The following CA10 variants were observed in gnomAD, a reference collection of about 807,000 sequenced individuals.
CA10 encodes carbonic anhydrase 10 (inactive).
A neutral mutation model predicts 44.2 loss-of-function variants in CA10; 14 were observed. The observed-to-expected ratio is 0.32, with a 90% CI of 0.21 to 0.50. The LOEUF (loss-of-function observed/expected upper bound fraction) is 0.50. CA10 is among the 20% of genes least tolerant of loss of function. CA10 has a pLI of 0.99. For missense variants in CA10, 350 were observed against 409.7 expected, an observed-to-expected ratio of 0.85 and a Z score of 1.26; for synonymous variants, 159 against 141.6, an observed-to-expected ratio of 1.12 and a Z score of -0.87.
At chr17:51,719,851 C>T (rs1916295630) in intron 4 of CA10, among the ~76,000 whole-genome samples, 1 of 152,106 alleles carries the variant, frequency 6.6e-6, no homozygotes, top group African/African-American at 2.4e-5. Context: ...AATCCCACAA[C>T]TGCAGCCTGG....
chr17:51,702,414 C>T (rs1043437418), intron 4 of CA10, among the ~76,000 whole-genome samples: 2 of 152,156 alleles, frequency 1.3e-5, no homozygotes, highest in African/African-American at 4.8e-5. Context: ...TGGTGGCACA[C>T]AAGATAGCCA....
chr17:51,737,302 A>G (rs962075322), intron 4 of CA10, among the ~76,000 whole-genome samples: 29 of 152,172 alleles, frequency 1.9e-4, no homozygotes, highest in African/African-American at 6.8e-4. Flanking sequence ...CCCTAAGCAC[A>G]ATGCCTGAGA....
chr17:51,749,808 C>T (rs897693293), intron 3 of CA10, among the ~76,000 whole-genome samples: 6 of 152,200 alleles, frequency 3.9e-5, no homozygotes, highest in Admixed American at 1.3e-4. Flanking sequence ...GAGGAGACCA[C>T]ACACTGGGGA....
chr17:52,066,280 A>G (rs986213717), intron 2 of CA10, among the ~76,000 whole-genome samples: 1 of 152,174 alleles, frequency 6.6e-6, no homozygotes, highest in African/African-American at 2.4e-5. Flanking sequence ...AGATGTGGGA[A>G]CTTCCTAGAG....
chr17:51,921,606 G>A (rs1309828815), intron 3 of CA10, among the ~76,000 whole-genome samples: 4 of 152,096 alleles, frequency 2.6e-5, no homozygotes, highest in African/African-American at 7.2e-5. Flanking sequence ...TCAGCACTAG[G>A]GGAACTGATG....
intron 2 of CA10, among the ~76,000 whole-genome samples, chr17:52,060,042 C>A (rs1987340593): frequency 6.6e-6 from 1 of 152,162 alleles, no homozygotes; most frequent in Non-Finnish European, 1.5e-5. Flanking sequence ...TCCACATTTA[C>A]TGATTGGTGA....
At chr17:51,832,213 T>C (rs1908309129) in intron 3 of CA10, among the ~76,000 whole-genome samples, 1 of 152,214 alleles carries the variant, frequency 6.6e-6, no homozygotes, top group Non-Finnish European at 1.5e-5. Flanking sequence ...TCATGGATTG[T>C]TGTGAAGACT....
intron 3 of CA10, among the ~76,000 whole-genome samples, chr17:51,771,220 T>C (rs1905598737): frequency 6.6e-6 from 1 of 150,764 alleles, no homozygotes. Context: ...TCCACCCCTA[T>C]GATCCAAACA....
chr17:51,841,323 T>G (rs1271342664), intron 3 of CA10, among the ~76,000 whole-genome samples: 1 of 152,186 alleles, frequency 6.6e-6, no homozygotes, highest in South Asian at 2.1e-4. Flanking sequence ...CCTGGTTTCA[T>G]GGCCTCCACA....
intron 4 of CA10, among the ~76,000 whole-genome samples, chr17:51,712,337 C>T (rs1485780133): frequency 6.6e-6 from 1 of 152,164 alleles, no homozygotes; most frequent in Non-Finnish European, 1.5e-5. Flanking sequence ...ATGCCTTGTA[C>T]CTCAGTTGTC....
rs115101220 is a variant in CA10, at chr17:51,638,334, C to T, written c.635-2325G>A. Among the ~76,000 whole-genome samples, 932 of 152,330 alleles carry T rather than the reference C, an allele frequency of 6.1e-3. 10 individuals carry two copies. Among genetic ancestry groups the T allele is most frequent in the African/African-American group, 0.022 (907 of 41,576 alleles). On this transcript the variant is annotated intron_variant, in intron 6 of 8. Coordinates refer to ENST00000451037, the MANE Select transcript of CA10 (RefSeq NM_020178.5). ...AAAGTCTCTGAGGAAGATAGCTTCA[C>T]CAAGCTGGATTTGGAGACCAACCCT... is the stretch of plus-strand genomic sequence containing the variant.
chr17:52,146,987 T>C (rs1484211873), intron 1 of CA10, among the ~76,000 whole-genome samples: 1 of 152,164 alleles, frequency 6.6e-6, no homozygotes, highest in Non-Finnish European at 1.5e-5. Flanking sequence ...TGACATCTAT[T>C]GGACAATTAA....
At chr17:51,788,961 C>T (rs1906402087) in intron 3 of CA10, among the ~76,000 whole-genome samples, 2 of 152,196 alleles carry the variant, frequency 1.3e-5, no homozygotes, top group South Asian at 2.1e-4. Context: ...CTCTAACATT[C>T]AATGGCATGT....
At chr17:51,926,430 T>G (rs545987614) in intron 3 of CA10, among the ~76,000 whole-genome samples, 2 of 152,234 alleles carry the variant, frequency 1.3e-5, no homozygotes, top group East Asian at 3.8e-4. Context: ...ACATCTATTA[T>G]TTTAGATTCC....
chr17:51,663,495 GGA>G (rs1474067462), intron 4 of CA10, among the ~76,000 whole-genome samples: 3 of 149,908 alleles, frequency 2.0e-5, no homozygotes, highest in African/African-American at 7.4e-5. Context: ...GCATGGATGA[GGA>G]GAGTTAGGCT....
In CA10 at chr17:51,662,181, A is replaced by G. The variant is rs568420543; in HGVS notation, c.466-8445T>C. ...TTTCCTTTAAATGATGATGATTACT[A>G]TTGTTACCTTTATATAGTCCTTTAA... On this transcript the variant is annotated intron_variant, in intron 4 of 8. Coordinates refer to ENST00000451037, the MANE Select transcript of CA10 (RefSeq NM_020178.5). Among the ~76,000 whole-genome samples the G allele has an allele frequency of 2.0e-3, 303 of 152,328 alleles. 1 individual carries two copies. The highest frequency in any genetic ancestry group is 3.3e-3 in the Non-Finnish European group (226 of 68,040).
chr17:52,121,679 TACACACACAC>T (rs10567649), intron 1 of CA10, among the ~76,000 whole-genome samples: 3 of 149,846 alleles, frequency 2.0e-5, no homozygotes, highest in African/African-American at 7.4e-5. Context: ...CACACACAGA[TACACACACAC>T]ACACACACAC....
intron 3 of CA10, among the ~76,000 whole-genome samples, chr17:51,908,997 T>A (rs887342430): frequency 6.6e-6 from 1 of 152,132 alleles, no homozygotes; most frequent in African/African-American, 2.4e-5. Context: ...TTTTTTGACG[T>A]CATCTGGTTT....
chr17:52,094,362 C>T (rs1598211343), intron 1 of CA10, among the ~76,000 whole-genome samples: 1 of 145,932 alleles, frequency 6.9e-6, no homozygotes, highest in African/African-American at 2.5e-5. Flanking sequence ...TCACACTAAA[C>T]AATAAAGTTT....
Sources: gnomAD v4.1 joint callset for allele counts (sites outside exome capture counted in the v4.1 genomes callset) on GRCh38, gnomAD v4.1.1 for gene constraint, MANE v1.5 for transcripts, NCBI Gene and HGNC (gene_info 2026-07-23, HGNC 2026-07-21) for gene names.